OTOG: variants seen among roughly 807,000 people sequenced by gnomAD.
The protein encoded by OTOG is otogelin.
Under a neutral mutation model 313.8 loss-of-function variants are expected in OTOG, and 296 were observed. The observed-to-expected ratio is 0.94, with a 90% CI of 0.86 to 1.04. The LOEUF is 1.04. Ranked by LOEUF, OTOG falls within the 50% of genes least tolerant of loss-of-function variation. The pLI, the probability that OTOG is intolerant of heterozygous loss-of-function variation, is 0.00. For synonymous variants in OTOG, 1,533 were observed against 1,554.9 expected (o/e 0.99, Z 0.33); for missense variants, 3,948 against 3,840.1 (o/e 1.03, Z -0.74).
intron 18 of OTOG, among the ~76,000 whole-genome samples, chr11:17,572,575 A>G (rs1852428654): frequency 1.3e-5 from 2 of 151,912 alleles, no homozygotes; most frequent in South Asian, 4.2e-4. Flanking sequence ...CTTTCTACAC[A>G]GTCAGGACTG....
At position 17,636,029 on chromosome 11, in the gene OTOG, G is replaced by A. The variant is rs1357331783; in HGVS notation, c.7795+318G>A. On this transcript the variant is annotated intron_variant, in intron 47 of 55. Transcript: ENST00000399397. Reference sequence around the variant, plus strand: ...CACTGATAAGAAGTCCTCATTCCCTGACTGACCCAAGGCTCCCCTTCAGGG... The same window carrying A: ...CACTGATAAGAAGTCCTCATTCCCTAACTGACCCAAGGCTCCCCTTCAGGG... Among the ~76,000 whole-genome samples the A allele has an allele frequency of 7.2e-5, 11 of 152,338 alleles. No individual in the cohort carries two copies. The East Asian group carries it at 1.7e-3, about 24-fold the overall frequency.
chr11:17,577,103 G>A (rs1449898412), intron 22 of OTOG, among the ~76,000 whole-genome samples, 192 bp downstream of exon 22: 1 of 152,230 alleles, frequency 6.6e-6, no homozygotes, highest in Non-Finnish European at 1.5e-5. Flanking sequence ...CCCAGCCTCA[G>A]CCCCACCCTA....
At chr11:17,641,791 G>T (rs1847975746) in intron 51 of OTOG, 56 bp from the exon 52 acceptor site, 2 of 1,293,432 alleles carry the variant, frequency 1.5e-6, no homozygotes, top group Non-Finnish European at 2.2e-6. Flanking sequence ...CAGGCAGTGG[G>T]AGAGCCAGGG....
intron 7 of OTOG, among the ~76,000 whole-genome samples, chr11:17,556,184 A>G (rs923768525): frequency 6.6e-5 from 10 of 152,126 alleles, no homozygotes; most frequent in African/African-American, 2.4e-4. Flanking sequence ...CATGATAAGC[A>G]TGCTTACTTT....
rs185416633 is a variant in OTOG, at chr11:17,570,547, T to C, written c.1955+157T>C. The C allele has an allele frequency of 2.5e-4, 191 of 753,778 alleles. 2 individuals are homozygous for C. The African/African-American group carries it at 2.8e-3, about 11-fold the overall frequency. 46.7% of individuals were successfully genotyped at this position (753,778 alleles called of 1,614,324 possible). On this transcript the variant is annotated intron_variant, in intron 17 of 55. Transcript: ENST00000399397. ...TTCTCTACATTTAAATTTAATTATG[T>C]TTCTTTAAAGCAGCGGTTCACAGTC...
intron 4 of OTOG, among the ~76,000 whole-genome samples, chr11:17,552,587 C>CTGTGTCTCA (rs1565087804): frequency 6.6e-6 from 1 of 150,852 alleles, no homozygotes; most frequent in African/African-American, 2.5e-5. Flanking sequence ...CCTGTGTCTC[C>CTGTGTCTCA]CACCTGTCCT....
intron 36 of OTOG, 112 bp downstream of exon 36, chr11:17,611,535 C>T: frequency 8.6e-7 from 1 of 1,160,542 alleles, no homozygotes; most frequent in Non-Finnish European, 1.2e-6. Flanking sequence ...CCCCATGCTC[C>T]TGGTCCCTGA....
intron 24 of OTOG, among the ~76,000 whole-genome samples, chr11:17,588,806 G>C (rs943955064): frequency 2.6e-5 from 4 of 151,986 alleles, no homozygotes; most frequent in Non-Finnish European, 4.4e-5. Flanking sequence ...TCATCTTGTA[G>C]ATCTTGCCGT....
intron 39 of OTOG, among the ~76,000 whole-genome samples, chr11:17,614,772 GTTTA>G (rs1565119836): frequency 6.6e-6 from 1 of 152,132 alleles, no homozygotes; most frequent in East Asian, 1.9e-4. Flanking sequence ...ATGTACCATA[GTTTA>G]TTTATCCATT....
intron 23 of OTOG, among the ~76,000 whole-genome samples, chr11:17,582,177 G>C (rs995898401): frequency 6.6e-6 from 1 of 152,142 alleles, no homozygotes; most frequent in Admixed American, 6.5e-5. Flanking sequence ...CACCAACAAA[G>C]TTTCCCTCAT....
At chr11:17,603,748 T>C (rs1020441916) in intron 32 of OTOG, among the ~76,000 whole-genome samples, 1 of 152,108 alleles carries the variant, frequency 6.6e-6, no homozygotes, top group African/African-American at 2.4e-5. Context: ...GAAAGATGGT[T>C]ATGCGAAGAA....
At chr11:17,593,970 G>A in intron 27 of OTOG, 77 bp from the exon 28 acceptor site, 1 of 1,530,588 alleles carries the variant, frequency 6.5e-7, no homozygotes, top group East Asian at 2.5e-5. Context: ...TAGACTCCTG[G>A]GCTCATGGTG....
In OTOG at chr11:17,643,494, T is replaced by C. The variant is rs929073326; in HGVS notation, c.8449T>C (p.Cys2817Arg). ...TTCCGTGGTACCTTCCTTGGAAGGA[T>C]GCTGCAGGACCTGTGAGTGAGCATG... Reference protein sequence around the residue: ...GGSVVPSLEGCCRTCKEDGRS... With the variant: ...GGSVVPSLEGRCRTCKEDGRS... The change falls in exon 54 of 56, where the codon TGC becomes CGC. Residue 2817 changes from cysteine (C) to arginine (R), a missense_variant. Transcript: ENST00000399397. The C allele has an allele frequency of 1.4e-6, 2 of 1,442,182 alleles. No homozygotes were observed. Among genetic ancestry groups the C allele is most frequent in the Admixed American group, 4.9e-5 (2 of 40,598 alleles). The allele number at this position is 1,442,182 out of a possible 1,614,324, so 89.3% of individuals were successfully genotyped here.
intron 31 of OTOG, among the ~76,000 whole-genome samples, chr11:17,600,026 A>G (rs909968962): frequency 1.3e-5 from 2 of 152,210 alleles, no homozygotes; most frequent in Middle Eastern, 3.2e-3. Context: ...AATCTAGCTC[A>G]TCAGGCCCAC....
At chr11:17,562,047 ATATATATATAT>A (rs1329148451) in intron 15 of OTOG, among the ~76,000 whole-genome samples, 5 of 105,358 alleles carry the variant, frequency 4.7e-5, no homozygotes, top group African/African-American at 1.9e-4. Flanking sequence ...TAAAAAAAAA[ATATATATATAT>A]ATATATATAT....
rs945270900 is a variant in OTOG at position 17,593,677 on chromosome 11, T to C, written c.3209T>C (p.Val1070Ala). ...HTWRVGFFTLVHFPQEHITLL... is the reference protein window; with the variant it reads ...HTWRVGFFTLAHFPQEHITLL... ...TGGCGAGTGGGATTTTTCACACTGG[T>C]GCATTTCCCACAGGAGCACATCACC... Residue 1070 changes from valine (V) to alanine (A), a missense_variant, in exon 27 of 56, where the codon GTG becomes GCG. By Grantham distance (64) the Val-to-Ala change is moderately conservative (BLOSUM62 0). Transcript: ENST00000399397. 5 of 1,548,966 alleles carry C rather than the reference T, an allele frequency of 3.2e-6. No individual in the cohort carries two copies. In the African/African-American group the frequency reaches 6.9e-5, roughly 21 times the overall value.
chr11:17,620,825 C>A (rs1252317948), intron 39 of OTOG, among the ~76,000 whole-genome samples: 1 of 152,142 alleles, frequency 6.6e-6, no homozygotes, highest in African/African-American at 2.4e-5. Context: ...TTCTGTGCTT[C>A]ATTTCAGATA....
At chr11:17,645,704 G>T (rs1409667803) in intron 55 of OTOG, 40 bp from the exon 56 acceptor site, 1 of 1,550,706 alleles carries the variant, frequency 6.4e-7, no homozygotes. Flanking sequence ...GTTTGGGGGT[G>T]TGAGCACCAC....
intron 23 of OTOG, 53 bp from the exon 24 acceptor site, chr11:17,586,421 G>A (rs1852795458): frequency 1.8e-6 from 2 of 1,123,540 alleles, no homozygotes; most frequent in Non-Finnish European, 2.3e-6. Flanking sequence ...CTCCACAGAT[G>A]GCAGCTATGG....
Sources: allele counts gnomAD v4.1 joint callset (sites outside exome capture counted in the v4.1 genomes callset), GRCh38; gene constraint gnomAD v4.1.1; transcripts MANE v1.5; gene names NCBI Gene and HGNC (gene_info 2026-07-23, HGNC 2026-07-21).